The following CNTN4 variants were observed in gnomAD, a reference collection of about 807,000 sequenced individuals.
CNTN4 encodes contactin-4.
Under a neutral mutation model 122.5 loss-of-function variants are expected in CNTN4, and 77 were observed. That is an observed-to-expected ratio of 0.63 (90% confidence interval 0.52 to 0.76). The LOEUF (loss-of-function observed/expected upper bound fraction) is 0.76. CNTN4 is among the 30% of genes least tolerant of loss of function. The pLI, the probability that CNTN4 is intolerant of heterozygous loss-of-function variation, is 0.00. For synonymous variants in CNTN4, 512 were observed against 447.0 expected, an observed-to-expected ratio of 1.15 and a Z score of -1.83; for missense variants, 1,256 against 1,259.1, an observed-to-expected ratio of 1.00 and a Z score of 0.04.
chr3:2,148,647 C>T (rs2035356823), intron 2 of CNTN4, among the ~76,000 whole-genome samples: 2 of 151,984 alleles, frequency 1.3e-5, no homozygotes, highest in Non-Finnish European at 2.9e-5. Context: ...TAAAATTACC[C>T]AGTTTGTGTA....
intron 6 of CNTN4, among the ~76,000 whole-genome samples, chr3:2,808,922 A>G (rs1576875555): frequency 2.6e-5 from 4 of 152,230 alleles, no homozygotes; most frequent in Admixed American, 2.6e-4. Flanking sequence ...AAATACAAGA[A>G]AGTTCACCCT....
At chr3:2,160,710 C>G (rs181552235) in intron 2 of CNTN4, among the ~76,000 whole-genome samples, 1 of 152,180 alleles carries the variant, frequency 6.6e-6, no homozygotes, top group Non-Finnish European at 1.5e-5. Context: ...TAAACTTCCT[C>G]AGCAAGGGCT....
chr3:2,846,970 G>A (rs2093467134), intron 7 of CNTN4, among the ~76,000 whole-genome samples: 1 of 151,984 alleles, frequency 6.6e-6, no homozygotes, highest in Non-Finnish European at 1.5e-5. Flanking sequence ...TCCAGCCTGG[G>A]GAACAAGAGT....
chr3:2,488,121 C>T (rs1397063526), intron 3 of CNTN4, among the ~76,000 whole-genome samples: 1 of 152,174 alleles, frequency 6.6e-6, no homozygotes, highest in Non-Finnish European at 1.5e-5. Flanking sequence ...AGCCAGAATG[C>T]ACATTTTATG....
Position 3,026,219 on chromosome 3 carries a change from T to C in CNTN4, c.1604T>C (p.Phe535Ser). 6.2e-7 allele frequency: 1 copy of C among 1,613,578 alleles called. No homozygotes were observed. The highest frequency in any genetic ancestry group is 8.5e-7 in the Non-Finnish European group (1 of 1,179,586). ...HSLDIVFTWSFNGHLIDFDRD... is the reference protein window; with the variant it reads ...HSLDIVFTWSSNGHLIDFDRD... ...CTAGACATCGTGTTTACTTGGTCAT[T>C]TAATGGACACCTGATAGACTTTGAC... The change falls in exon 15 of 25, where the codon TTT becomes TCT. Residue 535 changes from phenylalanine to serine, a missense_variant. By Grantham distance (155) the Phe-to-Ser change is radical. Transcript: ENST00000418658.
intron 2 of CNTN4, among the ~76,000 whole-genome samples, chr3:2,335,618 T>C (rs2043925104): frequency 6.7e-6 from 1 of 150,248 alleles, no homozygotes; most frequent in Non-Finnish European, 1.5e-5. Flanking sequence ...TCTTTCAAGG[T>C]ATGAAATTGG....
At chr3:2,423,433 G>A (rs1190109620) in intron 3 of CNTN4, among the ~76,000 whole-genome samples, 2 of 151,320 alleles carry the variant, frequency 1.3e-5, no homozygotes, top group African/African-American at 2.4e-5. Flanking sequence ...ACTTCTCGAT[G>A]CTGCAAGCAG....
intron 8 of CNTN4, among the ~76,000 whole-genome samples, chr3:2,874,848 C>T (rs1028953670): frequency 6.6e-6 from 1 of 152,170 alleles, no homozygotes; most frequent in African/African-American, 2.4e-5. Context: ...TTGGCAAACT[C>T]TTTCCCACAG....
At position 2,906,825 on chromosome 3, in the gene CNTN4, C is replaced by G. The variant is rs924274914; in HGVS notation, c.1207+3820C>G. On this transcript the variant is annotated intron_variant, in intron 12 of 24. Transcript: ENST00000418658. The stretch of plus-strand genomic sequence containing the variant: ...TGTCATTGCACTCCGGCCTGGGCAA[C>G]AAGAGTGAAACTCCTTCTCAAAAAA... 2.5e-5 allele frequency among the ~76,000 whole-genome samples: 3 copies of G among 118,478 alleles called. No individual in the cohort carries two copies. In the Admixed American group the frequency reaches 2.8e-4, roughly 11 times the overall value. The allele number at this position is 118,478 out of a possible 152,430, so 77.7% of individuals were successfully genotyped here.
At chr3:2,392,543 T>A (rs2046477673) in intron 3 of CNTN4, among the ~76,000 whole-genome samples, 2 of 152,172 alleles carry the variant, frequency 1.3e-5, no homozygotes, top group African/African-American at 4.8e-5. Context: ...ATTGTATATA[T>A]GGGGTACAGT....
chr3:2,117,012 A>T (rs879585799), intron 2 of CNTN4, among the ~76,000 whole-genome samples: 4 of 152,128 alleles, frequency 2.6e-5, no homozygotes, highest in Non-Finnish European at 5.9e-5. Flanking sequence ...TTTCCAGCAG[A>T]CACTAACTCA....
intron 13 of CNTN4, among the ~76,000 whole-genome samples, chr3:2,973,776 T>G (rs1693160848): frequency 6.6e-6 from 1 of 151,108 alleles, no homozygotes; most frequent in South Asian, 2.1e-4. Context: ...GATGATATAT[T>G]GAGGAAGTGT....
chr3:2,193,522 G>A (rs58742280), intron 2 of CNTN4, among the ~76,000 whole-genome samples: 2,379 of 152,274 alleles, frequency 0.016, 62 homozygotes, highest in African/African-American at 0.055. Flanking sequence ...AGTGCAGTAT[G>A]TGGCCATAGA....
At chr3:2,421,140 G>A (rs1307419625) in intron 3 of CNTN4, among the ~76,000 whole-genome samples, 1 of 151,940 alleles carries the variant, frequency 6.6e-6, no homozygotes, top group African/African-American at 2.4e-5. Context: ...TCCCAGTTTA[G>A]CCCTCCCCCA....
At chr3:2,285,901 A>G (rs968608220) in intron 2 of CNTN4, among the ~76,000 whole-genome samples, 3 of 152,084 alleles carry the variant, frequency 2.0e-5, no homozygotes, top group Non-Finnish European at 4.4e-5. Flanking sequence ...ATATTATTCC[A>G]TTTGTAGATG....
At chr3:2,708,916 C>T (rs988436080) in intron 4 of CNTN4, among the ~76,000 whole-genome samples, 2 of 152,144 alleles carry the variant, frequency 1.3e-5, no homozygotes, top group Non-Finnish European at 2.9e-5. Flanking sequence ...AATAAGAGAA[C>T]TTTTAAGTGT....
intron 3 of CNTN4, among the ~76,000 whole-genome samples, chr3:2,561,974 A>G (rs571549317): frequency 1.1e-4 from 16 of 152,266 alleles, no homozygotes; most frequent in Admixed American, 3.9e-4. Flanking sequence ...TGGAGGTGCC[A>G]TGTATTTTCC....
intron 14 of CNTN4, chr3:2,988,708 C>T (rs1694804171): frequency 1.9e-6 from 1 of 529,196 alleles, no homozygotes; most frequent in Non-Finnish European, 3.4e-6. Flanking sequence ...GAATTATAGC[C>T]ATTGTATCTC....
In CNTN4 at chr3:2,604,697, A is replaced by G. The variant is rs532736608; in HGVS notation, c.55+33139A>G. The stretch of plus-strand genomic sequence containing the variant: ...ACTACTTTATTGAGGTATGATTTAC[A>G]TATAAAAAGCTGTACATATTTAAGA... On this transcript the variant is annotated intron_variant, in intron 4 of 24. Coordinates refer to ENST00000418658, the MANE Select transcript of CNTN4 (RefSeq NM_175607.3). Among the ~76,000 whole-genome samples, 6 of 152,316 alleles carry G rather than the reference A, an allele frequency of 3.9e-5. 1 individual carries two copies. In the South Asian group the frequency reaches 1.2e-3, roughly 32 times the overall value.
Sources: gnomAD v4.1 joint callset for allele counts (sites outside exome capture counted in the v4.1 genomes callset) on GRCh38, gnomAD v4.1.1 for gene constraint, MANE v1.5 for transcripts, NCBI Gene and HGNC (gene_info 2026-07-23, HGNC 2026-07-21) for gene names.